Variants in LRBA observed in about 807,000 individuals in gnomAD.
LRBA encodes lipopolysaccharide-responsive and beige-like anchor protein.
In LRBA, 176 loss-of-function variants were observed where a neutral mutation model predicts 330.0. That is an observed-to-expected ratio of 0.53 (90% CI 0.47 to 0.60). LRBA has a LOEUF of 0.60. Ranked by LOEUF, LRBA falls within the 20% of genes least tolerant of loss-of-function variation. The pLI is 0.00. For missense variants in LRBA, 3,259 were observed against 3,444.8 expected (o/e 0.95, Z 1.35); for synonymous variants, 1,230 against 1,193.0 (o/e 1.03, Z -0.64).
At chr4:150,994,987 G>C (rs1057447291) in intron 2 of LRBA, among the ~76,000 whole-genome samples, 2 of 152,100 alleles carry the variant, frequency 1.3e-5, no homozygotes, top group Admixed American at 1.3e-4. Context: ...AAAGGTTGGG[G>C]CCTAAACAAG....
At chr4:150,537,521 A>C (rs1403372709) in intron 40 of LRBA, among the ~76,000 whole-genome samples, 1 of 152,254 alleles carries the variant, frequency 6.6e-6, no homozygotes, top group African/African-American at 2.4e-5. Flanking sequence ...ACACCAAAAG[A>C]AACTATCAAC....
intron 16 of LRBA, among the ~76,000 whole-genome samples, chr4:150,895,539 T>C (rs1199696051): frequency 6.6e-6 from 1 of 152,142 alleles, no homozygotes; most frequent in Non-Finnish European, 1.5e-5. Context: ...TGGTGTTTGG[T>C]TTTTTGTCCT....
At chr4:150,842,042 A>G (rs1443669781) in intron 28 of LRBA, among the ~76,000 whole-genome samples, 1 of 152,168 alleles carries the variant, frequency 6.6e-6, no homozygotes, top group Non-Finnish European at 1.5e-5. Context: ...TCTTTTTTCT[A>G]AAACTCCTAT....
chr4:150,334,415 T>A (rs1311716108), intron 48 of LRBA, among the ~76,000 whole-genome samples: 1 of 152,170 alleles, frequency 6.6e-6, no homozygotes, highest in African/African-American at 2.4e-5. Flanking sequence ...AAAGACTTAA[T>A]GTTTTTAGTT....
intron 2 of LRBA, among the ~76,000 whole-genome samples, chr4:150,963,649 G>C (rs1025943826): frequency 7.0e-6 from 1 of 143,428 alleles, no homozygotes; most frequent in South Asian, 2.2e-4. Context: ...GCCGCCCATC[G>C]TCTGGGATGC....
chr4:150,352,772 T>C (rs765512320), intron 47 of LRBA, among the ~76,000 whole-genome samples: 12 of 152,174 alleles, frequency 7.9e-5, no homozygotes, highest in Non-Finnish European at 1.0e-4. Flanking sequence ...GGTAGGCACA[T>C]TTACAATGAC....
intron 44 of LRBA, among the ~76,000 whole-genome samples, chr4:150,445,969 AAAATTAGACAT>A (rs1752570690): frequency 6.6e-6 from 1 of 152,136 alleles, no homozygotes; most frequent in African/African-American, 2.4e-5. Context: ...TCTTAATACA[AAAATTAGACAT>A]AAAGTAGCAT....
chr4:150,443,465 T>C (rs551193876), intron 44 of LRBA, among the ~76,000 whole-genome samples: 2 of 151,960 alleles, frequency 1.3e-5, no homozygotes, highest in Non-Finnish European at 2.9e-5. Flanking sequence ...CCAACAATAA[T>C]AGACTGGATT....
At chr4:150,524,450 G>C (rs1001662557) in intron 40 of LRBA, among the ~76,000 whole-genome samples, 4 of 152,114 alleles carry the variant, frequency 2.6e-5, no homozygotes, top group Non-Finnish European at 5.9e-5. Context: ...CTTTCCAAGG[G>C]ATAAACCAAA....
intron 33 of LRBA, among the ~76,000 whole-genome samples, chr4:150,803,345 A>C (rs1247212613): frequency 6.6e-6 from 1 of 152,014 alleles, no homozygotes; most frequent in Non-Finnish European, 1.5e-5. Context: ...TATTAAAGCA[A>C]AATAAAGGGA....
In LRBA at chr4:150,849,484, C is replaced by T; in HGVS notation, c.4096G>A (p.Asp1366Asn). Residue 1366 changes from aspartate (D) to asparagine (N), a missense_variant, in exon 25 of 57, where the codon GAC becomes AAC. By Grantham distance (23) the Asp-to-Asn change is conservative (BLOSUM62 1). Coordinates refer to ENST00000651943, the MANE Select transcript of LRBA (RefSeq NM_001364905.1). ...NTIHLISQVM[D>N]NMVMACGGIL... ...CCCCCACAAGCCATGACCATATTGTCCATCACTTGAGAGATGAGATGAATT... is the reference window on the plus strand; with the variant it reads ...CCCCCACAAGCCATGACCATATTGTTCATCACTTGAGAGATGAGATGAATT... The T allele has an allele frequency of 6.2e-7, 1 of 1,613,106 alleles. No homozygotes were observed.
At chr4:150,662,704 A>G (rs1406211750) in intron 37 of LRBA, among the ~76,000 whole-genome samples, 1 of 152,242 alleles carries the variant, frequency 6.6e-6, no homozygotes, top group Non-Finnish European at 1.5e-5. Context: ...CCAGTACCTC[A>G]GGCCTGTAAT....
chr4:150,410,806 G>C (rs999280532), intron 47 of LRBA, among the ~76,000 whole-genome samples: 62 of 152,158 alleles, frequency 4.1e-4, no homozygotes, highest in Non-Finnish European at 7.5e-4. Flanking sequence ...AAAACAAAAT[G>C]CTCTATTTTT....
At chr4:150,441,717 G>A (rs899519533) in intron 44 of LRBA, among the ~76,000 whole-genome samples, 48 of 151,898 alleles carry the variant, frequency 3.2e-4, no homozygotes, top group African/African-American at 1.1e-3. Flanking sequence ...AACCTAGCTC[G>A]AAATCAACAT....
At chr4:150,975,005 G>T (rs1204317942) in intron 2 of LRBA, among the ~76,000 whole-genome samples, 1 of 152,120 alleles carries the variant, frequency 6.6e-6, no homozygotes, top group Admixed American at 6.5e-5. Flanking sequence ...AAATAAATCA[G>T]CCTTCTCCAA....
chr4:150,297,942 C>T (rs539754098), intron 53 of LRBA, among the ~76,000 whole-genome samples: 1 of 151,592 alleles, frequency 6.6e-6, no homozygotes, highest in African/African-American at 2.4e-5. Context: ...ATGTACATAC[C>T]TTGACATTTG....
chr4:150,840,555 GA>G (rs1434906581), intron 28 of LRBA: 3 of 152,560 alleles, frequency 2.0e-5, no homozygotes, highest in African/African-American at 7.2e-5. Flanking sequence ...AGCACAGTCA[GA>G]CATTTATTAA....
chr4:150,871,293 G>A (rs1255919845), intron 19 of LRBA, 52 bp downstream of exon 19: 2 of 934,872 alleles, frequency 2.1e-6, no homozygotes, highest in Non-Finnish European at 3.5e-6. Context: ...AATGTTAAGA[G>A]GCATTTTTAT....
intron 22 of LRBA, among the ~76,000 whole-genome samples, chr4:150,861,843 C>G (rs1048642364): frequency 1.3e-5 from 2 of 151,896 alleles, no homozygotes; most frequent in African/African-American, 4.8e-5. Context: ...CTGACAGGCA[C>G]AGTGGCTCAC....
Sources: allele counts gnomAD v4.1 joint callset (sites outside exome capture counted in the v4.1 genomes callset), GRCh38; gene constraint gnomAD v4.1.1; transcripts MANE v1.5; gene names NCBI Gene and HGNC (gene_info 2026-07-23, HGNC 2026-07-21).